The following CAST variants were observed in gnomAD, a reference collection of about 807,000 sequenced individuals.
The protein encoded by CAST is MIR583 host.
In CAST, 76 loss-of-function variants were observed where a neutral mutation model predicts 119.6. That is an observed-to-expected ratio of 0.64 (90% confidence interval 0.53 to 0.77). The LOEUF (loss-of-function observed/expected upper bound fraction) is 0.77, where lower values mean the gene tolerates loss of function less well. Among genes scored for constraint, CAST ranks in the 30% least tolerant of loss-of-function variants. The probability of loss-of-function intolerance (pLI) is 0.00; values close to 1 mark genes in which losing one functional copy is unlikely to be tolerated. For missense variants in CAST, 953 were observed against 946.5 expected (o/e 1.01, Z -0.09); for synonymous variants, 319 against 331.6 (o/e 0.96, Z 0.41).
the CAST span, among the ~76,000 whole-genome samples, chr5:96,376,399 A>G: frequency 6.6e-6 from 1 of 151,954 alleles, no homozygotes; most frequent in East Asian, 1.9e-4. Context: ...TTACTAGTTT[A>G]TATGTTTACC....
At chr5:96,432,015 C>T in the CAST span, 10 of 1,122,614 alleles carry the variant, frequency 8.9e-6, no homozygotes, top group Admixed American at 1.8e-4. Context: ...CAACCAGCTA[C>T]CTATCGACCA....
At chr5:96,601,614 A>G (rs1484629109) in intron 1 of CAST, among the ~76,000 whole-genome samples, 1 of 152,240 alleles carries the variant, frequency 6.6e-6, no homozygotes, top group Non-Finnish European at 1.5e-5. Flanking sequence ...GTTTTATTAT[A>G]TAAAGATATC....
chr5:96,232,837 GTA>G, the CAST span, among the ~76,000 whole-genome samples: 1 of 151,870 alleles, frequency 6.6e-6, no homozygotes, highest in South Asian at 2.1e-4. Flanking sequence ...ATTCATAAAA[GTA>G]TTAATTTACT....
the CAST span, among the ~76,000 whole-genome samples, chr5:95,985,144 T>G: frequency 6.6e-6 from 1 of 151,972 alleles, no homozygotes; most frequent in South Asian, 2.1e-4. Flanking sequence ...AAGACCCCAT[T>G]TCTACACAAA....
the CAST span, among the ~76,000 whole-genome samples, chr5:96,191,757 A>G: frequency 6.6e-6 from 1 of 152,166 alleles, no homozygotes; most frequent in Non-Finnish European, 1.5e-5. Context: ...TTTAGTAGAG[A>G]TGGGGTTTCA....
the CAST span, among the ~76,000 whole-genome samples, chr5:96,069,655 CTTTTTTTTTTTTT>C: frequency 1.3e-5 from 1 of 78,376 alleles, no homozygotes; most frequent in African/African-American, 5.2e-5. Context: ...GGTAATTAAA[CTTTTTTTTTTTTT>C]TTTTTTTTTT....
intron 3 of CAST, among the ~76,000 whole-genome samples, chr5:96,714,122 A>G (rs1756759605): frequency 6.6e-6 from 1 of 152,224 alleles, no homozygotes; most frequent in Non-Finnish European, 1.5e-5. Flanking sequence ...CAAATCATGC[A>G]CTTTATATAC....
chr5:96,387,835 G>C, the CAST span, among the ~76,000 whole-genome samples: 1 of 152,180 alleles, frequency 6.6e-6, no homozygotes, highest in Admixed American at 6.5e-5. Flanking sequence ...CTCTCACTGA[G>C]ACATCATCGA....
intron 1 of CAST, among the ~76,000 whole-genome samples, chr5:96,548,636 C>G (rs149571954): frequency 6.2e-4 from 95 of 152,100 alleles, no homozygotes; most frequent in African/African-American, 2.3e-3. Context: ...AATCAAAACC[C>G]CCAATGACAA....
the CAST span, chr5:96,393,222 G>A: frequency 6.2e-7 from 1 of 1,614,050 alleles, no homozygotes; most frequent in Non-Finnish European, 8.5e-7. Flanking sequence ...GATTGCTTTG[G>A]CGGTGAGTTT....
chr5:96,519,501 A>C, the CAST span, among the ~76,000 whole-genome samples: 7 of 152,008 alleles, frequency 4.6e-5, no homozygotes, highest in African/African-American at 1.7e-4. Flanking sequence ...TTTCCTTTTC[A>C]TTTTCCTTTT....
chr5:96,410,747 A>G, the CAST span: 7 of 1,561,246 alleles, frequency 4.5e-6, no homozygotes, highest in Non-Finnish European at 6.2e-6. Context: ...CTAACTAAGC[A>G]GAGAGAATTA....
the CAST span, among the ~76,000 whole-genome samples, chr5:96,171,745 G>T: frequency 6.6e-6 from 1 of 152,196 alleles, no homozygotes; most frequent in Non-Finnish European, 1.5e-5. Context: ...AGGAGAAAGA[G>T]GTTGAGGGAT....
chr5:96,502,936 C>T, the CAST span, among the ~76,000 whole-genome samples: 3 of 152,054 alleles, frequency 2.0e-5, no homozygotes, highest in Admixed American at 2.0e-4. Context: ...TTTCTGCCAT[C>T]CAACAAGCTG....
the CAST span, among the ~76,000 whole-genome samples, chr5:96,148,082 G>A: frequency 6.6e-6 from 1 of 152,152 alleles, no homozygotes; most frequent in African/African-American, 2.4e-5. Flanking sequence ...CTGTGAGAGG[G>A]ACTATTGGTC....
chr5:96,398,425 C>A, the CAST span, among the ~76,000 whole-genome samples: 2 of 152,186 alleles, frequency 1.3e-5, no homozygotes, highest in Non-Finnish European at 2.9e-5. Flanking sequence ...TATAAAATGG[C>A]CTTATTCATG....
intron 1 of CAST, among the ~76,000 whole-genome samples, chr5:96,617,979 G>C (rs1052516077): frequency 1.3e-5 from 2 of 152,062 alleles, no homozygotes; most frequent in African/African-American, 4.8e-5. Context: ...AGGAACCAGG[G>C]GTCTGTCCCA....
chr5:96,310,010 C>G, the CAST span, among the ~76,000 whole-genome samples: 12 of 152,178 alleles, frequency 7.9e-5, no homozygotes, highest in Non-Finnish European at 1.0e-4. Context: ...GTACTAGATT[C>G]TAGAGGAAAG....
At chr5:96,174,232 C>A in the CAST span, among the ~76,000 whole-genome samples, 2,094 of 152,282 alleles carry the variant, frequency 0.014, 54 homozygotes, top group African/African-American at 0.048. Context: ...TTGCCAGTTT[C>A]CTTCTTTCTG....
Sources: gnomAD v4.1 joint callset for allele counts (sites outside exome capture counted in the v4.1 genomes callset) on GRCh38, gnomAD v4.1.1 for gene constraint, MANE v1.5 for transcripts, NCBI Gene and HGNC (gene_info 2026-07-23, HGNC 2026-07-21) for gene names.